Variants in IKZF2 observed in about 807,000 individuals in gnomAD.
IKZF2 encodes zinc finger protein Helios.
Under a neutral mutation model 49.2 loss-of-function variants are expected in IKZF2, and 15 were observed. That is an observed-to-expected ratio of 0.30 (90% CI 0.20 to 0.47). The LOEUF (loss-of-function observed/expected upper bound fraction) is 0.47, where lower values mean the gene tolerates loss of function less well. Among genes scored for constraint, IKZF2 ranks in the 20% least tolerant of loss-of-function variants. The pLI, the probability that IKZF2 is intolerant of heterozygous loss-of-function variation, is 1.00. For synonymous variants in IKZF2, 227 were observed against 221.4 expected (o/e 1.03, Z -0.23); for missense variants, 567 against 664.6 (o/e 0.85, Z 1.61).
chr2:213,012,713 C>T (rs1447919280), intron 8 of IKZF2, among the ~76,000 whole-genome samples: 1 of 151,900 alleles, frequency 6.6e-6, no homozygotes, highest in Non-Finnish European at 1.5e-5. Context: ...TCTTCAATTT[C>T]AGATTGAAAG....
chr2:213,085,746 A>G (rs1017677165), intron 4 of IKZF2, among the ~76,000 whole-genome samples: 2 of 152,114 alleles, frequency 1.3e-5, no homozygotes, highest in African/African-American at 4.8e-5. Context: ...CAATGCATGC[A>G]CTCTATTTAA....
intron 6 of IKZF2, among the ~76,000 whole-genome samples, chr2:213,028,581 A>G (rs1444936979): frequency 6.6e-6 from 1 of 152,150 alleles, no homozygotes; most frequent in African/African-American, 2.4e-5. Flanking sequence ...GTTCTTACAC[A>G]TATTACTTAA....
chr2:213,083,494 G>A (rs983856167), intron 4 of IKZF2, among the ~76,000 whole-genome samples: 10 of 143,446 alleles, frequency 7.0e-5, no homozygotes, highest in South Asian at 6.6e-4. Context: ...AGTTTCAAGC[G>A]ATTCTCCTGC....
At position 213,150,122 on chromosome 2, in the gene IKZF2, AAG is replaced by A. The variant is rs1411078031; in HGVS notation, c.-16+20_-16+21del. ...GAAAGAAGGAAAAAGAAAAAGGAGAAAGAGAAACGAAATGTACATACAAAAGA... is the reference window on the plus strand; with the variant it reads ...GAAAGAAGGAAAAAGAAAAAGGAGAAAGAAACGAAATGTACATACAAAAGA... On this transcript the variant is annotated intron_variant, in intron 2 of 8. Transcript: ENST00000434687. 6.5e-5 allele frequency: 82 copies of A among 1,259,320 alleles called. No individual in the cohort carries two copies. The highest frequency in any genetic ancestry group is 8.4e-5 in the Non-Finnish European group (80 of 948,554). The allele number at this position is 1,259,320 out of a possible 1,614,324, so 78.0% of individuals were successfully genotyped here.
intron 4 of IKZF2, among the ~76,000 whole-genome samples, chr2:213,066,670 T>C (rs183505677): frequency 7.9e-5 from 12 of 152,206 alleles, no homozygotes; most frequent in Admixed American, 7.9e-4. Flanking sequence ...TGCCAGATAC[T>C]TATTTTCCAC....
At chr2:213,047,633 G>C (rs1002110971) in intron 6 of IKZF2, among the ~76,000 whole-genome samples, 2 of 152,042 alleles carry the variant, frequency 1.3e-5, no homozygotes, top group Non-Finnish European at 2.9e-5. Flanking sequence ...ATACTCACTA[G>C]CTATTTTGGG....
chr2:213,019,170 C>G (rs930037901), intron 7 of IKZF2, among the ~76,000 whole-genome samples: 2 of 151,898 alleles, frequency 1.3e-5, no homozygotes, highest in African/African-American at 4.8e-5. Context: ...AAGAACAACA[C>G]AGGGAAAAAC....
chr2:213,131,142 T>A (rs932160777), intron 4 of IKZF2, among the ~76,000 whole-genome samples: 8 of 152,148 alleles, frequency 5.3e-5, no homozygotes, highest in African/African-American at 1.9e-4. Flanking sequence ...AGATTGTGTA[T>A]ATGAACCCAA....
intron 4 of IKZF2, among the ~76,000 whole-genome samples, chr2:213,086,425 C>CA (rs1459637092): frequency 2.0e-5 from 3 of 152,048 alleles, no homozygotes; most frequent in Non-Finnish European, 2.9e-5. Context: ...GTATGATTTA[C>CA]AAAAAACAGA....
At chr2:213,084,069 C>CCTCA (rs1704290233) in intron 4 of IKZF2, among the ~76,000 whole-genome samples, 2 of 152,144 alleles carry the variant, frequency 1.3e-5, no homozygotes, top group South Asian at 4.2e-4. Context: ...GTAAGTCAGG[C>CCTCA]CTCAGTTTAA....
chr2:213,093,102 C>T (rs1399751657), intron 4 of IKZF2, among the ~76,000 whole-genome samples: 1 of 152,120 alleles, frequency 6.6e-6, no homozygotes, highest in Non-Finnish European at 1.5e-5. Context: ...AAGATAAGCA[C>T]TTCTAGATTT....
intron 4 of IKZF2, among the ~76,000 whole-genome samples, chr2:213,138,376 CT>C (rs1410449020): frequency 1.3e-5 from 2 of 152,056 alleles, no homozygotes; most frequent in East Asian, 3.9e-4. Context: ...ATTACAAAAT[CT>C]TTTTCAGAGT....
At chr2:213,060,335 A>G (rs1347535079) in intron 4 of IKZF2, among the ~76,000 whole-genome samples, 1 of 151,382 alleles carries the variant, frequency 6.6e-6, no homozygotes, top group Non-Finnish European at 1.5e-5. Flanking sequence ...TATATATAAG[A>G]CTTTTGTTAT....
At chr2:213,102,546 A>T (rs1706822550) in intron 4 of IKZF2, among the ~76,000 whole-genome samples, 1 of 152,076 alleles carries the variant, frequency 6.6e-6, no homozygotes, top group Admixed American at 6.6e-5. Flanking sequence ...GAAATTTTTT[A>T]AGTAAATAAG....
At chr2:213,088,689 C>T (rs1007820801) in intron 4 of IKZF2, among the ~76,000 whole-genome samples, 16 of 152,068 alleles carry the variant, frequency 1.1e-4, no homozygotes, top group African/African-American at 3.4e-4. Flanking sequence ...ACCCAGAAGG[C>T]GGAGGTTGCA....
intron 4 of IKZF2, among the ~76,000 whole-genome samples, chr2:213,119,614 C>G (rs530958048): frequency 1.3e-5 from 2 of 152,296 alleles, no homozygotes; most frequent in South Asian, 4.1e-4. Context: ...TATTAATACT[C>G]TACCCTATGA....
At chr2:213,104,512 T>C (rs2125722268) in intron 4 of IKZF2, among the ~76,000 whole-genome samples, 1 of 152,262 alleles carries the variant, frequency 6.6e-6, no homozygotes, top group East Asian at 1.9e-4. Flanking sequence ...TTTCCACATT[T>C]TCTAACTATT....
chr2:213,014,097 GCA>G lies in IKZF2; in HGVS notation c.713-165_713-164del, dbSNP rs1364815095. 5.3e-5 allele frequency: 30 copies of G among 567,276 alleles called. 1 individual carries two copies. The highest frequency in any genetic ancestry group is 4.5e-4 in the African/African-American group (24 of 53,332). The allele number at this position is 567,276 out of a possible 1,614,324, so 35.1% of individuals were successfully genotyped here. ...GTGTGAAAGTATACTCTTTAAATTTGCACACACACATATACACCAGAGGATTT... is the reference window on the plus strand; with the variant it reads ...GTGTGAAAGTATACTCTTTAAATTTGCACACACATATACACCAGAGGATTT... On this transcript the variant is annotated intron_variant, in intron 7 of 8. Transcript: ENST00000434687.
At chr2:213,125,362 G>T (rs1215395378) in intron 4 of IKZF2, among the ~76,000 whole-genome samples, 1 of 151,930 alleles carries the variant, frequency 6.6e-6, no homozygotes, top group Non-Finnish European at 1.5e-5. Flanking sequence ...ATATTCTTCA[G>T]GAACAAAAAT....
Sources: gnomAD v4.1 joint callset for allele counts (sites outside exome capture counted in the v4.1 genomes callset) on GRCh38, gnomAD v4.1.1 for gene constraint, MANE v1.5 for transcripts, NCBI Gene and HGNC (gene_info 2026-07-23, HGNC 2026-07-21) for gene names.